Variants in PEX7 observed in about 807,000 individuals in gnomAD.
PEX7 encodes PTS2 receptor.
In PEX7, 34 loss-of-function variants were observed where a neutral mutation model predicts 47.5. The ratio of observed to expected loss-of-function variants is 0.72; its 90% CI spans 0.54 to 0.95. The LOEUF is 0.95. PEX7 is among the 40% of genes least tolerant of loss of function. The probability of loss-of-function intolerance (pLI) is 0.00; values close to 1 mark genes in which losing one functional copy is unlikely to be tolerated. For synonymous variants in PEX7, 141 were observed against 148.8 expected (o/e 0.95, Z 0.38); for missense variants, 394 against 400.3 (o/e 0.98, Z 0.13).
At chr6:136,878,658 C>T (rs1286752668) in intron 8 of PEX7, among the ~76,000 whole-genome samples, 1 of 151,938 alleles carries the variant, frequency 6.6e-6, no homozygotes, top group Non-Finnish European at 1.5e-5. Context: ...TTTGTTGAAC[C>T]ATTTTGTTCT....
intron 5 of PEX7, among the ~76,000 whole-genome samples, chr6:136,855,511 T>C (rs1774845234): frequency 6.6e-6 from 1 of 152,164 alleles, no homozygotes; most frequent in East Asian, 1.9e-4. Context: ...GGCTAATTTT[T>C]GTATTTTTAG....
intron 3 of PEX7, among the ~76,000 whole-genome samples, chr6:136,845,273 TA>T (rs750061419): frequency 3.9e-5 from 6 of 152,254 alleles, no homozygotes; most frequent in Admixed American, 1.3e-4. Flanking sequence ...TTTAGATGAC[TA>T]ACTTTCTAAT....
chr6:136,879,833 T>C (rs1179563697), intron 8 of PEX7, among the ~76,000 whole-genome samples: 1 of 152,208 alleles, frequency 6.6e-6, no homozygotes, highest in Non-Finnish European at 1.5e-5. Flanking sequence ...TTTCATTCTT[T>C]TGGTTGTTTT....
At chr6:136,863,749 A>G (rs1046347305) in intron 5 of PEX7, among the ~76,000 whole-genome samples, 1 of 152,136 alleles carries the variant, frequency 6.6e-6, no homozygotes, top group African/African-American at 2.4e-5. Context: ...CTCTGCCAAA[A>G]ATAGAAAAAT....
chr6:136,858,129 T>C (rs981425424), intron 5 of PEX7, among the ~76,000 whole-genome samples: 3 of 152,230 alleles, frequency 2.0e-5, no homozygotes, highest in Admixed American at 2.0e-4. Context: ...AAGTATTACC[T>C]GTTATTATTA....
intron 6 of PEX7, among the ~76,000 whole-genome samples, chr6:136,867,138 T>G (rs1775086048): frequency 1.3e-5 from 2 of 152,262 alleles, no homozygotes; most frequent in Admixed American, 1.3e-4. Context: ...TTTTTAAATT[T>G]TTCTGTTTTA....
chr6:136,860,713 A>G (rs1238522386), intron 5 of PEX7, among the ~76,000 whole-genome samples: 1 of 151,958 alleles, frequency 6.6e-6, no homozygotes, highest in African/African-American at 2.4e-5. Flanking sequence ...AAAACCTCCC[A>G]ACCTTTGTTA....
intron 5 of PEX7, among the ~76,000 whole-genome samples, chr6:136,860,930 A>G (rs116799027): frequency 2.6e-5 from 4 of 152,266 alleles, no homozygotes; most frequent in African/African-American, 7.2e-5. Flanking sequence ...GTGGCCTTCC[A>G]ATAACATGGA....
intron 5 of PEX7, among the ~76,000 whole-genome samples, chr6:136,863,370 A>C (rs756300843): frequency 6.6e-6 from 1 of 152,140 alleles, no homozygotes; most frequent in Non-Finnish European, 1.5e-5. Flanking sequence ...CTCATCTATC[A>C]AAGTGGTTTT....
At chr6:136,909,178 A>C (rs534223232) in intron 9 of PEX7, among the ~76,000 whole-genome samples, 1 of 152,252 alleles carries the variant, frequency 6.6e-6, no homozygotes, top group Non-Finnish European at 1.5e-5. Flanking sequence ...TCTTTGTTGA[A>C]TAAATGGATG....
At chr6:136,869,383 T>G (rs1251476971) in intron 6 of PEX7, among the ~76,000 whole-genome samples, 1 of 152,078 alleles carries the variant, frequency 6.6e-6, no homozygotes, top group Non-Finnish European at 1.5e-5. Context: ...GTAGCTAAAA[T>G]TACAGGTGTG....
At chr6:136,837,279 G>A (rs145948057) in intron 3 of PEX7, among the ~76,000 whole-genome samples, 1,749 of 149,500 alleles carry the variant, frequency 0.012, 41 homozygotes, top group African/African-American at 0.041. Context: ...GGAGAATGGC[G>A]TGAACCTGGG....
At chr6:136,878,589 A>T (rs151155784) in intron 8 of PEX7, among the ~76,000 whole-genome samples, 3,924 of 152,164 alleles carry the variant, frequency 0.026, 63 homozygotes, top group Middle Eastern at 0.054. Flanking sequence ...TGTTTATGTG[A>T]TGGGTTATGT....
At chr6:136,825,982 A>G (rs1774182000) in intron 2 of PEX7, among the ~76,000 whole-genome samples, 1 of 152,212 alleles carries the variant, frequency 6.6e-6, no homozygotes, top group African/African-American at 2.4e-5. Flanking sequence ...TTTCTCTCAA[A>G]TAAAAAACAA....
Position 136,831,471 on chromosome 6 carries a change from C to T in PEX7, c.339+5002C>T, listed in dbSNP as rs190980272. On this transcript the variant is annotated intron_variant, in intron 3 of 9. Transcript: ENST00000318471. ...CCAAACCATATCATTCCACTCCTGG[C>T]GCCTCCCAAATTTCATGTCTTTTTC... is the stretch of plus-strand genomic sequence containing the variant. Among the ~76,000 whole-genome samples, 8 of 152,272 alleles carry T rather than the reference C, an allele frequency of 5.3e-5. No homozygotes were observed. In the East Asian group the frequency reaches 5.8e-4, roughly 11 times the overall value.
At chr6:136,830,633 T>C (rs1774276822) in intron 3 of PEX7, among the ~76,000 whole-genome samples, 1 of 152,208 alleles carries the variant, frequency 6.6e-6, no homozygotes, top group East Asian at 1.9e-4. Flanking sequence ...TAATAAAAAT[T>C]TTTAAAAGTT....
intron 8 of PEX7, among the ~76,000 whole-genome samples, chr6:136,896,123 C>A (rs1775643558): frequency 6.6e-6 from 1 of 152,154 alleles, no homozygotes; most frequent in African/African-American, 2.4e-5. Flanking sequence ...CTCAGTGCAG[C>A]TTTGTCCTAA....
At chr6:136,906,054 G>A (rs1775839835) in intron 9 of PEX7, among the ~76,000 whole-genome samples, 1 of 152,070 alleles carries the variant, frequency 6.6e-6, no homozygotes, top group African/African-American at 2.4e-5. Context: ...CTCAAACCTG[G>A]TCTCTAAGCT....
At chr6:136,905,905 G>A (rs1220311254) in intron 9 of PEX7, among the ~76,000 whole-genome samples, 2 of 152,136 alleles carry the variant, frequency 1.3e-5, no homozygotes, top group Admixed American at 6.6e-5. Flanking sequence ...CTGTCTCTTC[G>A]CATTTCCTAA....
Sources: allele counts gnomAD v4.1 joint callset (sites outside exome capture counted in the v4.1 genomes callset), GRCh38; gene constraint gnomAD v4.1.1; transcripts MANE v1.5; gene names NCBI Gene and HGNC (gene_info 2026-07-23, HGNC 2026-07-21).